MSN: variants seen among roughly 807,000 people sequenced by gnomAD.
The protein encoded by MSN is epididymis luminal protein 70.
In MSN, 2 loss-of-function variants were observed where a neutral mutation model predicts 48.0. The ratio of observed to expected loss-of-function variants is 0.04; its 90% CI spans 0.02 to 0.13. The LOEUF (loss-of-function observed/expected upper bound fraction) is 0.13, where lower values mean the gene tolerates loss of function less well. MSN is among the 10% of genes least tolerant of loss of function. The pLI is 1.00. For missense variants in MSN, 267 were observed against 470.1 expected, an observed-to-expected ratio of 0.57 and a Z score of 3.99; for synonymous variants, 146 against 166.9, an observed-to-expected ratio of 0.87 and a Z score of 0.97.
chrX:65,728,814 C>A (rs1201799671), intron 3 of MSN, among the ~76,000 whole-genome samples: 5 of 111,501 alleles, frequency 4.5e-5, no homozygotes, highest in African/African-American at 6.5e-5. Context: ...GGGAACCTGG[C>A]AGCCTTCCAT....
chrX:65,697,698 T>A lies in MSN; in HGVS notation c.13-19120T>A, dbSNP rs959208356. 2.7e-5 allele frequency among the ~76,000 whole-genome samples: 3 copies of A among 112,761 alleles called. No homozygotes were observed. The Admixed American group carries it at 2.8e-4, about 11-fold the overall frequency. ...GACATTTGGGACCTTTTTAAAACTG[T>A]AATTTTATTGTATTTTTGCATTTCC... On this transcript the variant is annotated intron_variant, in intron 1 of 12. Coordinates refer to ENST00000360270, the MANE Select transcript of MSN (RefSeq NM_002444.3).
chrX:65,651,585 A>G (rs1361072736), intron 1 of MSN, among the ~76,000 whole-genome samples: 1 of 103,517 alleles, frequency 9.7e-6, no homozygotes, highest in Admixed American at 1.1e-4. Flanking sequence ...TATTATTATT[A>G]TTATTATTAT....
chrX:65,620,321 G>A (rs1001957992), intron 1 of MSN, among the ~76,000 whole-genome samples: 5 of 112,684 alleles, frequency 4.4e-5, no homozygotes, highest in Admixed American at 9.3e-5. Context: ...CTGCCGCCCC[G>A]CAGCTCCATC....
chrX:65,616,852 A>G (rs1267815484), intron 1 of MSN, among the ~76,000 whole-genome samples: 1 of 110,052 alleles, frequency 9.1e-6, no homozygotes, highest in African/African-American at 3.3e-5. Context: ...TTTGTCATAG[A>G]TAGCTCTTAT....
intron 1 of MSN, among the ~76,000 whole-genome samples, chrX:65,703,053 TC>T (rs1339866158): frequency 8.9e-6 from 1 of 111,767 alleles, no homozygotes; most frequent in Non-Finnish European, 1.9e-5. Flanking sequence ...AAAGTGAGAG[TC>T]CTTTATGCTA....
At chrX:65,673,595 C>T (rs2070965389) in intron 1 of MSN, among the ~76,000 whole-genome samples, 1 of 111,329 alleles carries the variant, frequency 9.0e-6, no homozygotes, top group Non-Finnish European at 1.9e-5. Context: ...GCTGGGATTA[C>T]AGGCATGCGC....
chrX:65,719,064 A>G (rs190649947), intron 2 of MSN, among the ~76,000 whole-genome samples: 12 of 112,204 alleles, frequency 1.1e-4, no homozygotes, highest in African/African-American at 3.9e-4. Context: ...GCTTACATTC[A>G]CATAGCTCAC....
At chrX:65,692,600 G>C (rs2071185040) in intron 1 of MSN, among the ~76,000 whole-genome samples, 1 of 112,765 alleles carries the variant, frequency 8.9e-6, no homozygotes. Flanking sequence ...GAACTTGCCT[G>C]TTGGACCAGT....
intron 1 of MSN, among the ~76,000 whole-genome samples, chrX:65,659,594 C>T (rs182037683): frequency 3.2e-3 from 357 of 111,647 alleles, no homozygotes; most frequent in Non-Finnish European, 4.9e-3. Flanking sequence ...CCCTAAAGCC[C>T]TGACCAAATA....
chrX:65,686,985 C>T (rs900039293), intron 1 of MSN, among the ~76,000 whole-genome samples: 14 of 112,178 alleles, frequency 1.2e-4, no homozygotes, highest in African/African-American at 4.5e-4. Context: ...TGTGATACAG[C>T]TCATTTATAG....
intron 1 of MSN, among the ~76,000 whole-genome samples, chrX:65,596,827 C>A (rs1396096762): frequency 1.1e-4 from 6 of 52,575 alleles, no homozygotes; most frequent in African/African-American, 3.8e-4. Flanking sequence ...ACAGCAGTGT[C>A]CCTCAAATGC....
intron 1 of MSN, among the ~76,000 whole-genome samples, chrX:65,651,966 C>T (rs893660967): frequency 2.2e-4 from 24 of 107,459 alleles, no homozygotes; most frequent in Non-Finnish European, 3.9e-4. Flanking sequence ...TAACACCATC[C>T]CAGGCCAGGC....
At chrX:65,649,707 T>C (rs1466887873) in intron 1 of MSN, among the ~76,000 whole-genome samples, 1 of 107,912 alleles carries the variant, frequency 9.3e-6, no homozygotes, top group African/African-American at 3.4e-5. Context: ...ACAGTGTCTG[T>C]CTGGAGAGCT....
In MSN at chrX:65,703,023, T is replaced by A. The variant is rs112036785; in HGVS notation, c.13-13795T>A. Among the ~76,000 whole-genome samples, 785 of 112,109 alleles carry A rather than the reference T, an allele frequency of 7.0e-3. 10 individuals are homozygous for A. Among genetic ancestry groups the A allele is most frequent in the African/African-American group, 0.024 (744 of 30,838 alleles). ...ATTGTCTTGCCAACTAGAAATGTAATCACCTTTTAGTTTTCCCTGAAAGTG... is the reference window on the plus strand; with the variant it reads ...ATTGTCTTGCCAACTAGAAATGTAAACACCTTTTAGTTTTCCCTGAAAGTG... On this transcript the variant is annotated intron_variant, in intron 1 of 12. Transcript: ENST00000360270.
At chrX:65,676,413 T>C (rs1316053548) in intron 1 of MSN, among the ~76,000 whole-genome samples, 1 of 112,096 alleles carries the variant, frequency 8.9e-6, no homozygotes, top group Non-Finnish European at 1.9e-5. Flanking sequence ...TTGCCAGTTA[T>C]CTTCTGTGAT....
chrX:65,735,264 C>T lies in MSN; in HGVS notation c.796-3C>T, dbSNP rs775150826. 6.3e-5 allele frequency: 76 copies of T among 1,207,350 alleles called. No homozygotes were observed. The South Asian group carries it at 1.3e-3, about 20-fold the overall frequency. ...TTCTTTCTGATTGCTGATTTCCCAC[C>T]AGGACTTCGTCTTCTATGCTCCCCG... On this transcript the variant is annotated splice_region_variant and splice_polypyrimidine_tract_variant and intron_variant, in intron 7 of 12. Coordinates refer to ENST00000360270, the MANE Select transcript of MSN (RefSeq NM_002444.3).
intron 1 of MSN, among the ~76,000 whole-genome samples, chrX:65,597,551 T>C (rs1391930098): frequency 9.0e-6 from 1 of 110,931 alleles, no homozygotes; most frequent in African/African-American, 3.3e-5. Context: ...TTTTGCTATG[T>C]GGCCTAGACT....
chrX:65,727,516 TA>T (rs1159696798), intron 2 of MSN, among the ~76,000 whole-genome samples: 1 of 112,197 alleles, frequency 8.9e-6, no homozygotes, highest in East Asian at 2.8e-4. Flanking sequence ...AAAATGGGCC[TA>T]ATTGTAAGTC....
chrX:65,632,323 A>G (rs937993823), intron 1 of MSN, among the ~76,000 whole-genome samples: 1 of 111,873 alleles, frequency 8.9e-6, no homozygotes, highest in Admixed American at 9.5e-5. Context: ...TGCAGCAAGA[A>G]GGCCCTTGCC....
Sources: allele counts gnomAD v4.1 joint callset (sites outside exome capture counted in the v4.1 genomes callset), GRCh38; gene constraint gnomAD v4.1.1; transcripts MANE v1.5; gene names NCBI Gene and HGNC (gene_info 2026-07-23, HGNC 2026-07-21).